Variants in TEX11 observed in about 807,000 individuals in gnomAD.
The protein encoded by TEX11 is testis expressed 11.
TEX11 carries 7 observed loss-of-function variants against 84.4 expected under a neutral mutation model. That is an observed-to-expected ratio of 0.08 (90% CI 0.05 to 0.16). TEX11 has a LOEUF of 0.16. TEX11 is among the 10% of genes least tolerant of loss of function. The pLI, the probability that TEX11 is intolerant of heterozygous loss-of-function variation, is 1.00. For synonymous variants in TEX11, 264 were observed against 222.8 expected, an observed-to-expected ratio of 1.18 and a Z score of -1.64; for missense variants, 551 against 660.5, an observed-to-expected ratio of 0.83 and a Z score of 1.82.
the TEX11 span, among the ~76,000 whole-genome samples, chrX:70,519,788 A>G: frequency 1.8e-5 from 2 of 111,500 alleles, no homozygotes; most frequent in Non-Finnish European, 1.9e-5. Flanking sequence ...ACATAGTCCC[A>G]TATTTCTTGG....
chrX:70,523,383 T>C, the TEX11 span, among the ~76,000 whole-genome samples: 1 of 111,662 alleles, frequency 9.0e-6, no homozygotes, highest in Non-Finnish European at 1.9e-5. Context: ...TGAGAGAACC[T>C]GTAGTGAGAT....
At chrX:70,663,236 C>G (rs903127860) in intron 16 of TEX11, among the ~76,000 whole-genome samples, 2 of 111,255 alleles carry the variant, frequency 1.8e-5, no homozygotes, top group Admixed American at 9.6e-5. Context: ...TATACCAAGT[C>G]ATTCAGTCTT....
rs181736608 is a variant in TEX11 at position 70,877,215 on chromosome X, A to T, written c.159+2773T>A. 4.2e-4 allele frequency among the ~76,000 whole-genome samples: 46 copies of T among 110,502 alleles called. 2 individuals carry two copies. The Admixed American group carries it at 4.3e-3, about 10-fold the overall frequency. On this transcript the variant is annotated intron_variant, in intron 3 of 29. Transcript: ENST00000374333. ...TGGCTGAGGCACGAGAACTGCTTCA[A>T]ACCAGGAGGCAGAGGTTGCAGTGAA... is the stretch of plus-strand genomic sequence containing the variant.
chrX:70,576,544 G>A (rs940320407), intron 25 of TEX11, among the ~76,000 whole-genome samples: 1 of 112,442 alleles, frequency 8.9e-6, no homozygotes, highest in African/African-American at 3.2e-5. Context: ...ACTAATACTT[G>A]TTCCAAGAGC....
chrX:70,781,785 T>A (rs1399618602), intron 9 of TEX11, among the ~76,000 whole-genome samples: 1 of 110,941 alleles, frequency 9.0e-6, no homozygotes, highest in Non-Finnish European at 1.9e-5. Context: ...TAAAAAGAAA[T>A]GAACAAAATC....
At chrX:70,597,975 A>G (rs1367124171) in intron 24 of TEX11, among the ~76,000 whole-genome samples, 1 of 111,891 alleles carries the variant, frequency 8.9e-6, no homozygotes, top group Non-Finnish European at 1.9e-5. Flanking sequence ...TGAGATAAGG[A>G]GTTTGAGACC....
At chrX:70,788,211 C>A (rs2091091807) in intron 9 of TEX11, among the ~76,000 whole-genome samples, 1 of 111,758 alleles carries the variant, frequency 8.9e-6, no homozygotes, top group African/African-American at 3.2e-5. Context: ...GCAAATGCTA[C>A]AATGAGCAAA....
At chrX:70,603,241 C>T (rs2089151373) in intron 24 of TEX11, among the ~76,000 whole-genome samples, 1 of 91,536 alleles carries the variant, frequency 1.1e-5, no homozygotes, top group Non-Finnish European at 2.2e-5. Context: ...GCCCGCATCG[C>T]CAAGTCAATC....
chrX:70,782,408 A>C (rs1438217989), intron 9 of TEX11, among the ~76,000 whole-genome samples: 2 of 110,765 alleles, frequency 1.8e-5, no homozygotes, highest in Non-Finnish European at 3.8e-5. Context: ...AAACTGCATC[A>C]ATTAACGGGC....
At position 70,754,812 on chromosome X, in the gene TEX11, G is replaced by A. The variant is rs192637897; in HGVS notation, c.693-10593C>T. Among the ~76,000 whole-genome samples the A allele has an allele frequency of 2.0e-3, 223 of 111,504 alleles. 2 individuals are homozygous for A. The highest frequency in any genetic ancestry group is 7.0e-3 in the African/African-American group (215 of 30,697). ...GAGACTCTGTTTAGGAGAAAGTAAGGGAAGAAAACAAGAGCCTCTGCTTGG... is the reference window on the plus strand; with the variant it reads ...GAGACTCTGTTTAGGAGAAAGTAAGAGAAGAAAACAAGAGCCTCTGCTTGG... On this transcript the variant is annotated intron_variant, in intron 9 of 29. Transcript: ENST00000374333.
At chrX:70,555,358 T>C (rs1453545832) in intron 25 of TEX11, among the ~76,000 whole-genome samples, 1 of 112,380 alleles carries the variant, frequency 8.9e-6, no homozygotes, top group Non-Finnish European at 1.9e-5. Context: ...TTTTCATTCA[T>C]CCTTCTTGGT....
intron 8 of TEX11, among the ~76,000 whole-genome samples, chrX:70,816,539 C>T (rs2091287125): frequency 1.8e-5 from 2 of 109,599 alleles, no homozygotes; most frequent in South Asian, 8.0e-4. Context: ...GGTAAAACCC[C>T]CAGCCCTACT....
At chrX:70,870,948 TGTC>T (rs908172368) in intron 4 of TEX11, among the ~76,000 whole-genome samples, 3 of 112,026 alleles carry the variant, frequency 2.7e-5, no homozygotes, top group Non-Finnish European at 5.6e-5. Context: ...GTTTCACTCT[TGTC>T]GCCCAGGATG....
At chrX:70,717,690 GT>G (rs1410646520) in intron 13 of TEX11, among the ~76,000 whole-genome samples, 1 of 111,598 alleles carries the variant, frequency 9.0e-6, no homozygotes, top group Non-Finnish European at 1.9e-5. Context: ...AAACTTTACT[GT>G]GTAAAATATA....
At chrX:70,670,858 T>A (rs1389232999) in intron 15 of TEX11, among the ~76,000 whole-genome samples, 1 of 112,195 alleles carries the variant, frequency 8.9e-6, no homozygotes, top group Non-Finnish European at 1.9e-5. Context: ...CACCCATAAT[T>A]CACCATGCTA....
chrX:70,814,784 T>G (rs2091277429), intron 8 of TEX11, among the ~76,000 whole-genome samples: 1 of 112,220 alleles, frequency 8.9e-6, no homozygotes, highest in Admixed American at 9.5e-5. Context: ...AGCTTCACAA[T>G]GAAGTAAAAC....
At chrX:70,516,255 G>A in the TEX11 span, among the ~76,000 whole-genome samples, 6 of 112,095 alleles carry the variant, frequency 5.4e-5, no homozygotes, top group Admixed American at 4.7e-4. Context: ...ATGGTTTTAG[G>A]TCTAACATTT....
chrX:70,604,456 G>T (rs752310802), intron 24 of TEX11, among the ~76,000 whole-genome samples: 4 of 110,977 alleles, frequency 3.6e-5, no homozygotes, highest in African/African-American at 1.3e-4. Context: ...AAGGACTTTG[G>T]CTTCTTTATC....
intron 2 of TEX11, among the ~76,000 whole-genome samples, chrX:70,882,981 C>T (rs1569460550): frequency 8.9e-6 from 1 of 111,842 alleles, no homozygotes; most frequent in African/African-American, 3.2e-5. Flanking sequence ...AGCAATTTCA[C>T]CGACACCAGC....
Sources: gnomAD v4.1 joint callset for allele counts (sites outside exome capture counted in the v4.1 genomes callset) on GRCh38, gnomAD v4.1.1 for gene constraint, MANE v1.5 for transcripts, NCBI Gene and HGNC (gene_info 2026-07-23, HGNC 2026-07-21) for gene names.